CACNA1D: variants seen among roughly 807,000 people sequenced by gnomAD.
CACNA1D encodes voltage-dependent L-type calcium channel subunit alpha-1D.
CACNA1D carries 55 observed loss-of-function variants against 257.1 expected under a neutral mutation model. That is an observed-to-expected ratio of 0.21 (90% confidence interval 0.17 to 0.27). The LOEUF (loss-of-function observed/expected upper bound fraction) is 0.27. Ranked by LOEUF, CACNA1D falls within the 10% of genes least tolerant of loss-of-function variation. The pLI is 1.00. For missense variants in CACNA1D, 1,876 were observed against 2,784.0 expected (o/e 0.67, Z 7.34); for synonymous variants, 980 against 1,014.9 (o/e 0.97, Z 0.65).
rs1248792032 is a variant in CACNA1D at position 53,673,858 on chromosome 3, G to A, written c.1220+732G>A. 5.5e-6 allele frequency: 7 copies of A among 1,266,972 alleles called. No homozygotes were observed. The highest frequency in any genetic ancestry group is 2.3e-5 in the East Asian group (1 of 43,400). The allele number at this position is 1,266,972 out of a possible 1,614,324, so 78.5% of individuals were successfully genotyped here. A position where few individuals can be genotyped will look rare whatever the true frequency, so the allele number is the denominator to read the frequency against. The stretch of plus-strand genomic sequence containing the variant: ...GTGTTGCACCTTCTCCTGCTGCCAC[G>A]TGTGAGGCAACTCTGCGTGTCTCCT... On this transcript the variant is annotated intron_variant, in intron 8 of 47. Transcript: ENST00000350061. This position sits in a 1 kb window ranked among gnomAD's most constrained non-coding sequence, Gnocchi z 4.1.
rs138000029 is a variant in CACNA1D at position 53,770,504 on chromosome 3, G to C, written c.3996G>C (p.Arg1332Ser). ...TGCGATTGGTGAAGCTTCTCAGCAG[G>C]GGGGAAGGCATCCGGACATTGCTGT... ...RVMRLVKLLS[R>S]GEGIRTLLWT... is the part of the protein sequence containing the mutation. Residue 1332 changes from arginine (R) to serine (S), a missense_variant, in exon 32 of 48, where the codon AGG becomes AGC. Arg to Ser is a moderately radical substitution (Grantham distance 110). Transcript: ENST00000350061. The C allele has an allele frequency of 1.3e-4, 203 of 1,613,738 alleles. No individual in the cohort carries two copies. The highest frequency in any genetic ancestry group is 1.6e-4 in the Non-Finnish European group (193 of 1,179,664).
intron 3 of CACNA1D, among the ~76,000 whole-genome samples, chr3:53,541,874 G>A (rs2092306547): frequency 1.3e-5 from 2 of 152,166 alleles, no homozygotes; most frequent in Non-Finnish European, 2.9e-5. Flanking sequence ...CATCATTTAA[G>A]TCAAGGCAGC....
At chr3:53,508,452 T>C (rs1286807486) in intron 3 of CACNA1D, among the ~76,000 whole-genome samples, 1 of 152,158 alleles carries the variant, frequency 6.6e-6, no homozygotes, top group Non-Finnish European at 1.5e-5. Flanking sequence ...CCAATAGTTA[T>C]CTTTTCTGTT....
At chr3:53,687,950 A>G (rs1478887522) in intron 8 of CACNA1D, among the ~76,000 whole-genome samples, 1 of 152,270 alleles carries the variant, frequency 6.6e-6, no homozygotes, top group African/African-American at 2.4e-5. Context: ...CACCAAGAGT[A>G]CAGAGCAACT....
At chr3:53,521,344 CT>C (rs1196432847) in intron 3 of CACNA1D, among the ~76,000 whole-genome samples, 1 of 152,162 alleles carries the variant, frequency 6.6e-6, no homozygotes, top group East Asian at 1.9e-4. Flanking sequence ...CTGCTGGCCT[CT>C]TCAATTTCTT....
chr3:53,763,075 G>A (rs921872508), intron 30 of CACNA1D, among the ~76,000 whole-genome samples: 11 of 152,320 alleles, frequency 7.2e-5, no homozygotes, highest in Middle Eastern at 3.4e-3. Flanking sequence ...AGCCAGCTAT[G>A]CCCTGAGCCT....
Position 53,800,539 on chromosome 3 carries a change from CA to C in CACNA1D, c.5040+175del. The C allele has an allele frequency of 1.4e-6, 1 of 699,772 alleles. No homozygotes were observed. 43.3% of individuals were successfully genotyped at this position (699,772 alleles called of 1,614,324 possible). A position where few individuals can be genotyped will look rare whatever the true frequency, so the allele number is the denominator to read the frequency against. On this transcript the variant is annotated intron_variant, in intron 41 of 47. Transcript: ENST00000350061. The surrounding 1 kb of genome is among the most constrained non-coding windows in gnomAD (Gnocchi z 4.3). ...CTTACAGACCCTCCCCAGGCATCAG[CA>C]CCTCTTCTAGGGCCAGGCCAGCTCT...
chr3:53,645,964 C>G (rs1169606289), intron 3 of CACNA1D, among the ~76,000 whole-genome samples: 1 of 152,218 alleles, frequency 6.6e-6, no homozygotes, highest in Non-Finnish European at 1.5e-5. Flanking sequence ...TCTATGGCTC[C>G]AAGCCCTGTG....
At chr3:53,695,047 C>T (rs2094561199) in intron 8 of CACNA1D, among the ~76,000 whole-genome samples, 1 of 152,196 alleles carries the variant, frequency 6.6e-6, no homozygotes, top group South Asian at 2.1e-4. Context: ...ACTCACTCAG[C>T]ACTTATGCTT....
At chr3:53,612,955 T>C (rs2093598868) in intron 3 of CACNA1D, among the ~76,000 whole-genome samples, 1 of 152,142 alleles carries the variant, frequency 6.6e-6, no homozygotes, top group Non-Finnish European at 1.5e-5. Context: ...TTGCCAGAAG[T>C]AGAAGGCAGT....
chr3:53,627,599 G>A (rs1250064354), intron 3 of CACNA1D, among the ~76,000 whole-genome samples: 4 of 127,356 alleles, frequency 3.1e-5, no homozygotes, highest in Non-Finnish European at 6.4e-5. Context: ...TCACTAGCCT[G>A]TGGCTGTGGA....
intron 29 of CACNA1D, among the ~76,000 whole-genome samples, chr3:53,758,059 A>G (rs2095276858): frequency 6.6e-6 from 1 of 152,100 alleles, no homozygotes; most frequent in Admixed American, 6.5e-5. Context: ...AGATTGGTGG[A>G]ATGAAGAAAG....
Position 53,801,061 on chromosome 3 carries a change from A to G in CACNA1D, c.5044A>G (p.Asn1682Asp). 1 of 1,613,960 alleles carries G rather than the reference A, an allele frequency of 6.2e-7. No homozygotes were observed. Among genetic ancestry groups the G allele is most frequent in the Non-Finnish European group, 8.5e-7 (1 of 1,179,880 alleles). Residue 1682 changes from asparagine to aspartate, a missense_variant, in exon 42 of 48, where the codon AAT becomes GAT. Asn to Asp is a conservative substitution (Grantham distance 23). Transcript: ENST00000350061. ...GTTGTCTCCCATTATTTTGCAGAGA[A>G]ATGGTGCCCTGCTTGGAAACCATGT... ...REEEDDVFKRNGALLGNHVNH... is the reference protein window; with the variant it reads ...REEEDDVFKRDGALLGNHVNH...
At chr3:53,684,724 G>A (rs140840352) in intron 8 of CACNA1D, among the ~76,000 whole-genome samples, 10 of 151,744 alleles carry the variant, frequency 6.6e-5, no homozygotes, top group Non-Finnish European at 5.9e-5. Context: ...TAAGCACAAG[G>A]TATTATGGGA....
At chr3:53,579,491 G>C (rs922510790) in intron 3 of CACNA1D, among the ~76,000 whole-genome samples, 10 of 152,156 alleles carry the variant, frequency 6.6e-5, no homozygotes, top group Non-Finnish European at 1.2e-4. Flanking sequence ...TTTAGGACAT[G>C]ATATCCTTTC....
rs569261360 is a variant in CACNA1D, at chr3:53,530,722, C to T, written c.483+29002C>T. 2.4e-4 allele frequency among the ~76,000 whole-genome samples: 36 copies of T among 152,278 alleles called. 1 individual carries two copies. Among genetic ancestry groups the T allele is most frequent in the African/African-American group, 7.9e-4 (33 of 41,562 alleles). On this transcript the variant is annotated intron_variant, in intron 3 of 47. Transcript: ENST00000350061. Reference sequence around the variant, plus strand: ...GCCACCTGCCCTGCCTCAGTGCTGCCTCCTGTAACAGTCTCATTTGTTTCG... The same window carrying T: ...GCCACCTGCCCTGCCTCAGTGCTGCTTCCTGTAACAGTCTCATTTGTTTCG...
rs1188050321 is a variant in CACNA1D at position 53,805,217 on chromosome 3, T to TG, written c.5749+76dup. 34 of 1,446,712 alleles carry TG rather than the reference T, an allele frequency of 2.4e-5. No homozygotes were observed. In the East Asian group the frequency reaches 6.8e-4, roughly 29 times the overall value. 89.6% of individuals were successfully genotyped at this position (1,446,712 alleles called of 1,614,324 possible). A position where few individuals can be genotyped will look rare whatever the true frequency, so the allele number is the denominator to read the frequency against. ...TGTACCTCTCCCCCAACCCCCGCTC[T>TG]GGGGGCCGGTGATGGATGTGTGCTG... On this transcript the variant is annotated intron_variant, in intron 45 of 47. Transcript: ENST00000350061.
intron 3 of CACNA1D, among the ~76,000 whole-genome samples, chr3:53,572,882 A>G (rs1350210719): frequency 1.3e-5 from 2 of 152,144 alleles, no homozygotes; most frequent in East Asian, 3.9e-4. Context: ...CCATCTTTAT[A>G]TGAACAGAAC....
chr3:53,734,470 A>ATACATACATATACATTTATG (rs1293004971), intron 19 of CACNA1D, among the ~76,000 whole-genome samples: 2 of 152,140 alleles, frequency 1.3e-5, no homozygotes, highest in African/African-American at 4.8e-5. Context: ...GTGTATACAT[A>ATACATACATATACATTTATG]TATGTACATA....
Sources: gnomAD v4.1 joint callset for allele counts (sites outside exome capture counted in the v4.1 genomes callset) on GRCh38, gnomAD v4.1.1 for gene constraint, Gnocchi (gnomAD v3.1) non-coding constraint, MANE v1.5 for transcripts, NCBI Gene and HGNC (gene_info 2026-07-23, HGNC 2026-07-21) for gene names.